Variants in PPA2 observed in about 807,000 individuals in gnomAD.
PPA2 encodes inorganic pyrophosphatase 2, mitochondrial.
PPA2 carries 48 observed loss-of-function variants against 49.5 expected under a neutral mutation model. The ratio of observed to expected loss-of-function variants is 0.97; its 90% CI spans 0.77 to 1.23. The LOEUF (loss-of-function observed/expected upper bound fraction) is 1.23, where lower values mean the gene tolerates loss of function less well. PPA2 is among the 50% of genes most tolerant of loss of function. PPA2 has a pLI of 0.00. For synonymous variants in PPA2, 131 were observed against 139.9 expected (o/e 0.94, Z 0.45); for missense variants, 429 against 410.1 (o/e 1.05, Z -0.40).
intron 6 of PPA2, among the ~76,000 whole-genome samples, chr4:105,427,993 C>A (rs1723606501): frequency 6.6e-6 from 1 of 152,186 alleles, no homozygotes; most frequent in Non-Finnish European, 1.5e-5. Flanking sequence ...AGACTAACAG[C>A]AGATCTCTTG....
chr4:105,473,551 G>A, intron 1 of PPA2: 1 of 524,204 alleles, frequency 1.9e-6, no homozygotes. Context: ...CGGCGGCCGG[G>A]CCGGCTAATG....
intron 5 of PPA2, among the ~76,000 whole-genome samples, chr4:105,440,941 C>A (rs1724332266): frequency 6.6e-6 from 1 of 152,202 alleles, no homozygotes; most frequent in South Asian, 2.1e-4. Flanking sequence ...GACTGGTTCT[C>A]TTTATTTCCA....
At chr4:105,462,685 C>T (rs1426818976) in intron 1 of PPA2, among the ~76,000 whole-genome samples, 1 of 152,098 alleles carries the variant, frequency 6.6e-6, no homozygotes, top group Non-Finnish European at 1.5e-5. Context: ...TGGCTGTGTC[C>T]CCACCCAAAT....
intron 10 of PPA2, among the ~76,000 whole-genome samples, chr4:105,382,107 T>A (rs1016504137): frequency 1.3e-5 from 2 of 151,994 alleles, no homozygotes; most frequent in Admixed American, 1.3e-4. Flanking sequence ...CTTCCAATTT[T>A]AAATATTTTA....
At chr4:105,431,914 C>T (rs1723819424) in intron 6 of PPA2, among the ~76,000 whole-genome samples, 1 of 151,982 alleles carries the variant, frequency 6.6e-6, no homozygotes, top group South Asian at 2.1e-4. Flanking sequence ...TAGTGGTTGC[C>T]AGGGGCCAGT....
intron 7 of PPA2, among the ~76,000 whole-genome samples, chr4:105,422,436 G>A (rs1377804430): frequency 6.6e-6 from 1 of 152,178 alleles, no homozygotes; most frequent in Non-Finnish European, 1.5e-5. Flanking sequence ...TCTCCATTCT[G>A]AGTACGCAAC....
chr4:105,369,484 A>G lies in PPA2; in HGVS notation c.*241T>C, dbSNP rs1350781316. On this transcript the variant is annotated 3_prime_UTR_variant, in exon 12 of 12. Coordinates refer to ENST00000341695, the MANE Select transcript of PPA2 (RefSeq NM_176869.3). ...GTGATCTGCCCACCTCGGCCTCCCA[A>G]AGTGCTGAAATTACAGGCATGAGCC... The G allele has an allele frequency of 2.2e-6, 1 of 455,270 alleles. No individual in the cohort carries two copies. The highest frequency in any genetic ancestry group is 4.0e-5 in the East Asian group (1 of 25,046). The allele number at this position is 455,270 out of a possible 1,614,324, so 28.2% of individuals were successfully genotyped here.
chr4:105,423,304 AT>A (rs1327263791), intron 7 of PPA2: 1 of 152,174 alleles, frequency 6.6e-6, no homozygotes, highest in Non-Finnish European at 1.5e-5. Context: ...AGATTAATAC[AT>A]TGTTAATGAG....
chr4:105,473,920 C>G lies in PPA2; in HGVS notation c.131G>C (p.Cys44Ser). ...AAAGAAGAGGCGGTAATTCTGCGAG[C>G]AGGGCTGGCCGCGCTCCTCAGTGTG... Reference protein sequence around the residue: ...LYHTEERGQPCSQNYRLFFKN... With the variant: ...LYHTEERGQPSSQNYRLFFKN... Residue 44 changes from cysteine (C) to serine (S), a missense_variant, in exon 1 of 12, where the codon TGC becomes TCC. Coordinates refer to ENST00000341695, the MANE Select transcript of PPA2 (RefSeq NM_176869.3). 1 of 1,604,832 alleles carries G rather than the reference C, an allele frequency of 6.2e-7. No homozygotes were observed. Among genetic ancestry groups the G allele is most frequent in the Admixed American group, 1.7e-5 (1 of 59,188 alleles).
intron 7 of PPA2, chr4:105,399,447 C>A (rs1175719621): frequency 3.6e-5 from 8 of 221,840 alleles, no homozygotes; most frequent in Non-Finnish European, 5.2e-5. Flanking sequence ...CAACAAAGTT[C>A]TTTTCATCAA....
intron 7 of PPA2, among the ~76,000 whole-genome samples, chr4:105,413,818 A>G (rs562393821): frequency 6.6e-6 from 1 of 152,258 alleles, no homozygotes; most frequent in South Asian, 2.1e-4. Flanking sequence ...TTTCTGACCA[A>G]GAGGTAACAA....
At position 105,474,012 on chromosome 4, in the gene PPA2, T is replaced by G; in HGVS notation, c.39A>C (p.Pro13=). Residue 13 remains proline (P), a synonymous_variant, in exon 1 of 12, where the codon CCA becomes CCC. Transcript: ENST00000341695. ...TCCCCAACCGCAGGCACGCAGCGGC[T>G]GGGGCACCCGTGCGCAGCAGCCGCA... ...ALLRLLRTGA[P]AAACLRLGTS... 1 of 1,603,428 alleles carries G rather than the reference T, an allele frequency of 6.2e-7. No homozygotes were observed. The highest frequency in any genetic ancestry group is 8.5e-7 in the Non-Finnish European group (1 of 1,175,602).
intron 1 of PPA2, among the ~76,000 whole-genome samples, chr4:105,472,909 C>G (rs1723585680): frequency 6.6e-6 from 1 of 152,140 alleles, no homozygotes; most frequent in South Asian, 2.1e-4. Flanking sequence ...ACTTGCAGCC[C>G]TATTTTACGG....
chr4:105,459,982 G>A (rs1021211365), intron 1 of PPA2, among the ~76,000 whole-genome samples: 2 of 152,168 alleles, frequency 1.3e-5, no homozygotes, highest in Non-Finnish European at 2.9e-5. Flanking sequence ...TTGTGATGCT[G>A]TTTACACAAA....
chr4:105,390,328 A>G (rs1733861904), intron 9 of PPA2, among the ~76,000 whole-genome samples: 1 of 152,044 alleles, frequency 6.6e-6, no homozygotes, highest in Non-Finnish European at 1.5e-5. Context: ...TAATCAAACT[A>G]AAGAGCTTCT....
chr4:105,431,910 T>C (rs552538933), intron 6 of PPA2, among the ~76,000 whole-genome samples: 1 of 152,166 alleles, frequency 6.6e-6, no homozygotes, highest in African/African-American at 2.4e-5. Context: ...AAATTAGTGG[T>C]TGCCAGGGGC....
At chr4:105,396,118 G>A in intron 9 of PPA2, 131 bp downstream of exon 9, 1 of 489,546 alleles carries the variant, frequency 2.0e-6, no homozygotes, top group Non-Finnish European at 3.6e-6. Flanking sequence ...ACTTAGTAAT[G>A]CCCAATGAAT....
chr4:105,395,175 A>G, intron 9 of PPA2, among the ~76,000 whole-genome samples: 1 of 152,082 alleles, frequency 6.6e-6, no homozygotes, highest in Non-Finnish European at 1.5e-5. Flanking sequence ...AACAAAGTCA[A>G]TTATCTTCAA....
chr4:105,371,147 G>C (rs1312653276), intron 10 of PPA2, among the ~76,000 whole-genome samples: 1 of 152,154 alleles, frequency 6.6e-6, no homozygotes, highest in Admixed American at 6.5e-5. Context: ...GGAATGAGAA[G>C]AGAGGTTTTC....
Sources: gnomAD v4.1 joint callset for allele counts (sites outside exome capture counted in the v4.1 genomes callset) on GRCh38, gnomAD v4.1.1 for gene constraint, MANE v1.5 for transcripts, NCBI Gene and HGNC (gene_info 2026-07-23, HGNC 2026-07-21) for gene names.